ELN: variants seen among roughly 807,000 people sequenced by gnomAD.
ELN encodes the protein elastin.
ELN carries 65 observed loss-of-function variants against 105.8 expected under a neutral mutation model. That is an observed-to-expected ratio of 0.61 (90% CI 0.50 to 0.75). ELN has a LOEUF of 0.75. ELN is among the 30% of genes least tolerant of loss of function. The pLI, the probability that ELN is intolerant of heterozygous loss-of-function variation, is 0.00. For missense variants in ELN, 882 were observed against 969.4 expected, an observed-to-expected ratio of 0.91 and a Z score of 1.20; for synonymous variants, 368 against 389.2, an observed-to-expected ratio of 0.95 and a Z score of 0.64.
chr7:74,060,257 G>T, intron 24 of ELN, 73 bp downstream of exon 24: 1 of 1,613,850 alleles, frequency 6.2e-7, no homozygotes, highest in Non-Finnish European at 8.5e-7. Flanking sequence ...AGCCAGGGAG[G>T]AGGCCGCTGC....
intron 9 of ELN, among the ~76,000 whole-genome samples, chr7:74,044,693 G>T (rs1402700846): frequency 1.3e-5 from 2 of 152,206 alleles, no homozygotes; most frequent in African/African-American, 4.8e-5. Context: ...CTGTTATGTG[G>T]GATTTGCTGA....
chr7:74,035,350 C>T lies in ELN; in HGVS notation c.83-14C>T, dbSNP rs1789655401. The T allele has an allele frequency of 6.2e-7, 1 of 1,613,910 alleles. No individual in the cohort carries two copies. Among genetic ancestry groups the T allele is most frequent in the African/African-American group, 1.3e-5 (1 of 74,926 alleles). On this transcript the variant is annotated splice_polypyrimidine_tract_variant and intron_variant, in intron 1 of 32. Transcript: ENST00000252034. ...CTGGCTCCTGGAGGACTGACTCTAC[C>T]TGTTTCCTTTCAGGGGTCCCTGGGG...
intron 8 of ELN, 140 bp from the exon 9 acceptor site, chr7:74,043,739 C>T: frequency 9.2e-7 from 1 of 1,082,448 alleles, no homozygotes. Context: ...TGTGGCCACC[C>T]CACGTCTGTC....
At chr7:74,041,738 T>TC (rs1401127039) in intron 5 of ELN, among the ~76,000 whole-genome samples, 3 of 151,690 alleles carry the variant, frequency 2.0e-5, no homozygotes, top group South Asian at 2.1e-4. Flanking sequence ...TGAGACAGAG[T>TC]CCCACTCTGT....
chr7:74,054,571 T>C (rs140184067), intron 18 of ELN, 145 bp from the exon 19 acceptor site: 25 of 801,232 alleles, frequency 3.1e-5, no homozygotes, highest in Non-Finnish European at 5.0e-5. Flanking sequence ...TGGGTGGACA[T>C]CAGTGCATAA....
intron 4 of ELN, among the ~76,000 whole-genome samples, chr7:74,039,064 C>T (rs559830863): frequency 3.2e-4 from 49 of 152,240 alleles, no homozygotes; most frequent in African/African-American, 1.2e-3. Flanking sequence ...TGTGCTTGGC[C>T]TAGAAGACCC....
Position 74,069,027 on chromosome 7 carries a change from T to TG in ELN, c.*333dup. 1 of 439,850 alleles carries TG rather than the reference T, an allele frequency of 2.3e-6. No homozygotes were observed. The allele number at this position is 439,850 out of a possible 1,614,324, so 27.2% of individuals were successfully genotyped here. ...CTACACGCTGGTGCTCTTATCTTCC[T>TG]GGGGGGAGGGAGGAGGGAAGGGTGG... is the stretch of plus-strand genomic sequence containing the variant. On this transcript the variant is annotated 3_prime_UTR_variant, in exon 33 of 33. Coordinates refer to ENST00000252034, the MANE Select transcript of ELN (RefSeq NM_000501.4).
intron 15 of ELN, among the ~76,000 whole-genome samples, chr7:74,049,068 T>TATCCATCCATCC (rs57228775): frequency 2.3e-4 from 30 of 133,114 alleles, no homozygotes; most frequent in East Asian, 1.7e-3. Flanking sequence ...TCCATCCATC[T>TATCCATCCATCC]ATCCATCCAT....
chr7:74,049,138 C>A (rs1793299313), intron 15 of ELN, among the ~76,000 whole-genome samples: 1 of 141,470 alleles, frequency 7.1e-6, no homozygotes, highest in Non-Finnish European at 1.5e-5. Context: ...CATCTGTCCA[C>A]ACATCCATCC....
intron 26 of ELN, among the ~76,000 whole-genome samples, chr7:74,062,048 C>T (rs1438668415): frequency 6.6e-6 from 1 of 152,276 alleles, no homozygotes; most frequent in Non-Finnish European, 1.5e-5. Flanking sequence ...GGCAGTCCCA[C>T]AGCCTCTGCA....
chr7:74,047,490 C>A (rs985575819), intron 12 of ELN, among the ~76,000 whole-genome samples, 185 bp from the exon 13 acceptor site: 1 of 152,206 alleles, frequency 6.6e-6, no homozygotes, highest in East Asian at 1.9e-4. Flanking sequence ...GTTCCATGGG[C>A]CTCGGGGGCA....
At chr7:74,028,520 G>A (rs1374077082) in intron 1 of ELN, among the ~76,000 whole-genome samples, 1 of 152,212 alleles carries the variant, frequency 6.6e-6, no homozygotes, top group Non-Finnish European at 1.5e-5. Flanking sequence ...GCTGCCCTGC[G>A]AGGGCTGAGG....
chr7:74,052,879 G>T, intron 17 of ELN: 1 of 494,044 alleles, frequency 2.0e-6, no homozygotes. Flanking sequence ...GAAAGAGAGA[G>T]AGAGAGAGAG....
At position 74,060,144 on chromosome 7, in the gene ELN, A is replaced by G; in HGVS notation, c.1581A>G (p.Ala527=). The G allele has an allele frequency of 6.2e-7, 1 of 1,614,084 alleles. No homozygotes were observed. The highest frequency in any genetic ancestry group is 8.5e-7 in the Non-Finnish European group (1 of 1,180,028). Residue 527 remains alanine (A), a synonymous_variant, in exon 24 of 33, where the codon GCA becomes GCG. Coordinates refer to ENST00000252034, the MANE Select transcript of ELN (RefSeq NM_000501.4). ...PGIGPGGVAA[A]AKSAAKVAAK... ...CCCTCTCTCTCCCTCCCTCAGCTGCAGCAAAATCCGCTGCCAAGGTGGCTG... is the reference window on the plus strand; with the variant it reads ...CCCTCTCTCTCCCTCCCTCAGCTGCGGCAAAATCCGCTGCCAAGGTGGCTG...
chr7:74,037,819 A>C (rs1467681571), intron 4 of ELN, 80 bp downstream of exon 4: 32 of 1,566,784 alleles, frequency 2.0e-5, no homozygotes, highest in Non-Finnish European at 2.7e-5. Context: ...GGAATGGGAC[A>C]AGGAAACTAG....
intron 8 of ELN, chr7:74,043,501 G>A (rs1554670168): frequency 8.8e-6 from 6 of 681,446 alleles, no homozygotes; most frequent in Non-Finnish European, 1.3e-5. Flanking sequence ...GGGGAGCCCC[G>A]TGTCCTCTGA....
chr7:74,029,553 G>A (rs1303869027), intron 1 of ELN, among the ~76,000 whole-genome samples: 4 of 152,158 alleles, frequency 2.6e-5, no homozygotes, highest in Non-Finnish European at 4.4e-5. Flanking sequence ...GGGCCACGGG[G>A]TGGAGTCAAG....
chr7:74,061,123 T>C lies in ELN; in HGVS notation c.1770T>C (p.Ala590=). The change falls in exon 26 of 33, where the codon GCT becomes GCC. Residue 590 remains alanine (A), a synonymous_variant. Transcript: ENST00000252034. The part of the protein sequence containing the change: ...FGAVPGALAA[A]KAAKYGAAVP... ...CAGTACCTGGAGCCCTGGCTGCCGC[T>C]AAAGCAGCCAAATATGGTGAGTGCA... 6.2e-7 allele frequency: 1 copy of C among 1,614,140 alleles called. No homozygotes were observed. Among genetic ancestry groups the C allele is most frequent in the Non-Finnish European group, 8.5e-7 (1 of 1,180,034 alleles).
chr7:74,058,154 GCTT>G (rs782511509), intron 22 of ELN, among the ~76,000 whole-genome samples: 3 of 138,074 alleles, frequency 2.2e-5, no homozygotes, highest in Admixed American at 7.7e-5. Flanking sequence ...TTCTCCTCCT[GCTT>G]CTTTTCCTTC....
Sources: allele counts gnomAD v4.1 joint callset (sites outside exome capture counted in the v4.1 genomes callset), GRCh38; gene constraint gnomAD v4.1.1; transcripts MANE v1.5; gene names NCBI Gene and HGNC (gene_info 2026-07-23, HGNC 2026-07-21).